DDX23: variants seen among roughly 807,000 people sequenced by gnomAD.
DDX23 encodes the protein probable ATP-dependent RNA helicase DDX23.
DDX23 carries 33 observed loss-of-function variants against 102.7 expected under a neutral mutation model. The ratio of observed to expected loss-of-function variants is 0.32; its 90% CI spans 0.24 to 0.43. DDX23 has a LOEUF of 0.43. Ranked by LOEUF, DDX23 falls within the 20% of genes least tolerant of loss-of-function variation. The probability of loss-of-function intolerance (pLI) is 1.00; values close to 1 mark genes in which losing one functional copy is unlikely to be tolerated. For missense variants in DDX23, 549 were observed against 1,086.6 expected, an observed-to-expected ratio of 0.51 and a Z score of 6.96; for synonymous variants, 352 against 376.0, an observed-to-expected ratio of 0.94 and a Z score of 0.74.
At chr12:48,851,024 A>G (rs1014646599) in intron 1 of DDX23, among the ~76,000 whole-genome samples, 4 of 152,218 alleles carry the variant, frequency 2.6e-5, no homozygotes, top group African/African-American at 7.2e-5. Flanking sequence ...TCAAACCTCC[A>G]GATCTTCAGG....
rs187839618 is a variant in DDX23 at position 48,845,636 on chromosome 12, T to C, written c.147A>G (p.Ser49=). ...GGCTGCCTCCTCGACGTCTATCCCT[T>C]GAACGATGCCGCTTTCTATCTTTAG... The part of the protein sequence containing the change: ...SPSKDRKRHR[S]RDRRRGGSRS... The change falls in exon 2 of 17, where the codon TCA becomes TCG. Residue 49 remains serine (S), a synonymous_variant. Coordinates refer to ENST00000308025, the MANE Select transcript of DDX23 (RefSeq NM_004818.3). 26 of 1,614,238 alleles carry C rather than the reference T, an allele frequency of 1.6e-5. No individual in the cohort carries two copies. The Admixed American group carries it at 4.3e-4, about 27-fold the overall frequency.
chr12:48,830,582 G>C lies in DDX23; in HGVS notation c.2350C>G (p.Leu784Val). 1.2e-6 allele frequency: 2 copies of C among 1,614,100 alleles called. No individual in the cohort carries two copies. Among genetic ancestry groups the C allele is most frequent in the East Asian group, 2.2e-5 (1 of 44,876 alleles). ...AVFYELKQAI[L>V]ESPVSSCPPE... is the part of the protein sequence containing the mutation. Reference sequence around the variant, plus strand: ...GGACAGGAAGACACTGGGCTTTCCAGGATAGCTTGCTTCAGCTCGTAGAAC... The same window carrying C: ...GGACAGGAAGACACTGGGCTTTCCACGATAGCTTGCTTCAGCTCGTAGAAC... Residue 784 changes from leucine (L) to valine (V), a missense_variant, in exon 17 of 17, where the codon CTG becomes GTG. Leu to Val is a conservative substitution (Grantham distance 32). This residue lies in a region of DDX23 where 38 missense variants were observed against 94.5 expected (regional missense o/e 0.40). Transcript: ENST00000308025. The surrounding 1 kb of genome is among the most constrained non-coding windows in gnomAD (Gnocchi z 4.9).
At chr12:48,835,823 A>C (rs1938461556) in intron 11 of DDX23, among the ~76,000 whole-genome samples, 1 of 152,138 alleles carries the variant, frequency 6.6e-6, no homozygotes. Context: ...CCTGGGAGGC[A>C]AAAGTTGTAG....
chr12:48,844,772 C>G (rs1313119000), intron 2 of DDX23, among the ~76,000 whole-genome samples: 1 of 151,658 alleles, frequency 6.6e-6, no homozygotes, highest in Non-Finnish European at 1.5e-5. Flanking sequence ...GCGCCCGGCC[C>G]CCTCTCAACT....
Position 48,837,037 on chromosome 12 carries a change from C to G in DDX23, c.867G>C (p.Leu289=). The change falls in exon 9 of 17, where the codon CTG becomes CTC. Residue 289 remains leucine (L), a splice_region_variant and synonymous_variant. Transcript: ENST00000308025. ...SEDTSIDYNP[L]YKERHQVQLL... ...ACTGCACCTGGTGCCGTTCTTTGTACCTGGGATTGAGATAGAGGAAAAGAA... is the reference window on the plus strand; with the variant it reads ...ACTGCACCTGGTGCCGTTCTTTGTAGCTGGGATTGAGATAGAGGAAAAGAA... 6.2e-7 allele frequency: 1 copy of G among 1,613,870 alleles called. No individual in the cohort carries two copies. Among genetic ancestry groups the G allele is most frequent in the Non-Finnish European group, 8.5e-7 (1 of 1,180,006 alleles).
intron 11 of DDX23, among the ~76,000 whole-genome samples, chr12:48,835,373 G>C (rs1311109212): frequency 7.2e-5 from 11 of 152,194 alleles, no homozygotes; most frequent in Non-Finnish European, 1.6e-4. Flanking sequence ...GGGAGTTTGA[G>C]ACCAGCCTGG....
At chr12:48,851,649 A>C (rs2137500934) in intron 1 of DDX23, among the ~76,000 whole-genome samples, 1 of 152,314 alleles carries the variant, frequency 6.6e-6, no homozygotes, top group Non-Finnish European at 1.5e-5. Context: ...TTTAAGTATA[A>C]GTAGAATTTT....
intron 1 of DDX23, among the ~76,000 whole-genome samples, chr12:48,850,889 A>T (rs1039953630): frequency 6.6e-6 from 1 of 152,074 alleles, no homozygotes; most frequent in Non-Finnish European, 1.5e-5. Context: ...GAGTGGAATG[A>T]GTTTGGAAGA....
intron 12 of DDX23, 56 bp from the exon 13 acceptor site, chr12:48,833,575 C>A (rs979117342): frequency 3.2e-6 from 5 of 1,582,400 alleles, no homozygotes; most frequent in African/African-American, 1.3e-5. Flanking sequence ...CTTTTCTTTC[C>A]TGTGAACTAT....
rs1244697297 is a variant in DDX23 at position 48,832,355 on chromosome 12, C to G, written c.1955+67G>C. 6.3e-7 allele frequency: 1 copy of G among 1,587,950 alleles called. No individual in the cohort carries two copies. The highest frequency in any genetic ancestry group is 8.6e-7 in the Non-Finnish European group (1 of 1,162,708). ...GAGCAATTGCCCTGCCCTGCACCTG[C>G]ACTAAAAAAGTTCTCAGAGCCATTT... On this transcript the variant is annotated intron_variant, in intron 14 of 16. Coordinates refer to ENST00000308025, the MANE Select transcript of DDX23 (RefSeq NM_004818.3). The surrounding 1 kb of genome is among the most constrained non-coding windows in gnomAD (Gnocchi z 4.4).
In DDX23 at chr12:48,845,687, T is replaced by C; in HGVS notation, c.96A>G (p.Arg32=). 2 of 1,614,254 alleles carry C rather than the reference T, an allele frequency of 1.2e-6. No individual in the cohort carries two copies. The highest frequency in any genetic ancestry group is 1.7e-6 in the Non-Finnish European group (2 of 1,180,048). Residue 32 remains arginine, a synonymous_variant, in exon 2 of 17, where the codon AGA becomes AGG. Coordinates refer to ENST00000308025, the MANE Select transcript of DDX23 (RefSeq NM_004818.3). ...RSRTPDRERD[R]DRDRKSSPSK... ...ATGGGGAAGACTTCCGGTCCCGGTC[T>C]CTATCCCGCTCTCTGTCAGGAGTCC...
At chr12:48,842,026 T>C (rs1158871611) in intron 3 of DDX23, among the ~76,000 whole-genome samples, 9 of 148,302 alleles carry the variant, frequency 6.1e-5, no homozygotes, top group Non-Finnish European at 9.0e-5. Flanking sequence ...ACCCTCTGCC[T>C]GACAACCGCC....
In DDX23 at chr12:48,834,453, G is replaced by C; in HGVS notation, c.1427C>G (p.Pro476Arg). 1 of 1,614,150 alleles carries C rather than the reference G, an allele frequency of 6.2e-7. No homozygotes were observed. Residue 476 changes from proline (P) to arginine (R), a missense_variant, in exon 12 of 17, where the codon CCC becomes CGC. Physicochemically the swap from Pro to Arg is moderately radical, Grantham distance 103 (BLOSUM62 -2). Around this residue, in one of 4 missense-constraint regions of DDX23, gnomAD observed 270 missense variants for 707.0 expected, o/e 0.38. Transcript: ENST00000308025. ...AATCTGTTGAGCCAACTCACGGGTG[G>C]GAGCCAGGATGATGGCATAAGGGCC... ...DQGPYAIILA[P>R]TRELAQQIEE...
intron 1 of DDX23, among the ~76,000 whole-genome samples, chr12:48,851,209 C>T (rs1286921191): frequency 2.6e-5 from 4 of 152,204 alleles, no homozygotes; most frequent in Admixed American, 6.5e-5. Flanking sequence ...CGGTGGCTCA[C>T]GCATGTAATC....
chr12:48,830,088 G>A lies in DDX23; in HGVS notation c.*381C>T, dbSNP rs1938360234. ...GGGCAATGATGCTACTGCAGTTTAT[G>A]CAGTTACACAGTCAAGTCTGTGCCA... On this transcript the variant is annotated 3_prime_UTR_variant, in exon 17 of 17. Coordinates refer to ENST00000308025, the MANE Select transcript of DDX23 (RefSeq NM_004818.3). The surrounding 1 kb of genome is among the most constrained non-coding windows in gnomAD (Gnocchi z 4.9). 2.5e-6 allele frequency: 1 copy of A among 397,560 alleles called. No individual in the cohort carries two copies. The highest frequency in any genetic ancestry group is 4.9e-6 in the Non-Finnish European group (1 of 202,952). 24.6% of individuals were successfully genotyped at this position (397,560 alleles called of 1,614,324 possible). A position where few individuals can be genotyped will look rare whatever the true frequency, so the allele number is the denominator to read the frequency against.
intron 2 of DDX23, among the ~76,000 whole-genome samples, chr12:48,844,277 C>G (rs1938625612): frequency 6.6e-6 from 1 of 151,994 alleles, no homozygotes; most frequent in Non-Finnish European, 1.5e-5. Context: ...AACAGATGAA[C>G]CTTCCTTTTT....
rs1266147736 is a variant in DDX23, at chr12:48,837,662, A to G, written c.620-5T>C. On this transcript the variant is annotated splice_region_variant and splice_polypyrimidine_tract_variant and intron_variant, in intron 6 of 16. Transcript: ENST00000308025. ...GTTCCCGTTCCTGAGGATCTTCTGC[A>G]GACCAAAGAAAGCAAAGCTGCAGAA... 29 of 1,613,948 alleles carry G rather than the reference A, an allele frequency of 1.8e-5. No individual in the cohort carries two copies. The highest frequency in any genetic ancestry group is 2.4e-5 in the Non-Finnish European group (28 of 1,180,002).
At position 48,832,008 on chromosome 12, in the gene DDX23, T is replaced by C. The variant is rs1373366662; in HGVS notation, c.2064+70A>G. 1.4e-6 allele frequency: 2 copies of C among 1,430,348 alleles called. No homozygotes were observed. The highest frequency in any genetic ancestry group is 2.0e-6 in the Non-Finnish European group (2 of 1,016,430). The allele number at this position is 1,430,348 out of a possible 1,614,324, so 88.6% of individuals were successfully genotyped here. ...AGGGTGAGACTTGAAAGGAAGAGCC[T>C]AGGGGGCCCTGCTAGATTCAGAAAG... On this transcript the variant is annotated intron_variant, in intron 15 of 16. Transcript: ENST00000308025. This position sits in a 1 kb window ranked among gnomAD's most constrained non-coding sequence, Gnocchi z 4.4.
intron 15 of DDX23, 157 bp downstream of exon 15, chr12:48,831,921 T>G: frequency 1.5e-6 from 1 of 668,420 alleles, no homozygotes; most frequent in Non-Finnish European, 2.6e-6. Context: ...CCATTCTCTT[T>G]ATTCCCTCAA....
Sources: gnomAD v4.1 joint callset for allele counts (sites outside exome capture counted in the v4.1 genomes callset) on GRCh38, gnomAD v4.1.1 for gene constraint, gnomAD v4.1.1 regional missense constraint, Gnocchi (gnomAD v3.1) non-coding constraint, MANE v1.5 for transcripts, NCBI Gene and HGNC (gene_info 2026-07-23, HGNC 2026-07-21) for gene names.